Variants in HS2ST1 observed in about 807,000 individuals in gnomAD.
The protein encoded by HS2ST1 is heparan sulfate 2-O-sulfotransferase 1.
HS2ST1 carries 18 observed loss-of-function variants against 42.9 expected under a neutral mutation model. The observed-to-expected ratio is 0.42, with a 90% CI of 0.29 to 0.62. The LOEUF (loss-of-function observed/expected upper bound fraction) is 0.62, where lower values mean the gene tolerates loss of function less well. Ranked by LOEUF, HS2ST1 falls within the 20% of genes least tolerant of loss-of-function variation. The pLI is 0.21. For missense variants in HS2ST1, 334 were observed against 433.8 expected (o/e 0.77, Z 2.04); for synonymous variants, 146 against 152.9 (o/e 0.95, Z 0.33).
chr1:87,068,968 G>A (rs1013858676), intron 1 of HS2ST1, among the ~76,000 whole-genome samples: 2 of 152,104 alleles, frequency 1.3e-5, no homozygotes, highest in Admixed American at 6.5e-5. Context: ...CAGTAGCTGG[G>A]ACTACAGGTG....
At chr1:87,029,657 TACTC>T (rs1021392445) in intron 1 of HS2ST1, among the ~76,000 whole-genome samples, 124 of 152,348 alleles carry the variant, frequency 8.1e-4, no homozygotes, top group African/African-American at 2.4e-3. Context: ...GGAAAATTAA[TACTC>T]AATACTGAGT....
chr1:86,974,405 A>G (rs1648327810), intron 1 of HS2ST1, among the ~76,000 whole-genome samples: 1 of 152,204 alleles, frequency 6.6e-6, no homozygotes. Context: ...CTTGCCTTAC[A>G]CATCTCTTCC....
In HS2ST1 at chr1:86,943,491, G is replaced by GCTGGTGGATCACTTGAGC. The variant is rs1453270659; in HGVS notation, c.124+28334_124+28351dup. ...CAGCACTTTGGAGGCTGAGGTTGAG[G>GCTGGTGGATCACTTGAGC]CTGGTGGATCACTTGAGCCTAGAAG... is the stretch of plus-strand genomic sequence containing the variant. On this transcript the variant is annotated intron_variant, in intron 1 of 6. Transcript: ENST00000370550. Among the ~76,000 whole-genome samples, 54 of 152,174 alleles carry GCTGGTGGATCACTTGAGC rather than the reference G, an allele frequency of 3.5e-4. 3 individuals are homozygous for GCTGGTGGATCACTTGAGC. In the East Asian group the frequency reaches 6.0e-3, roughly 17 times the overall value.
At chr1:87,010,625 T>C (rs984674827) in intron 1 of HS2ST1, among the ~76,000 whole-genome samples, 2 of 152,212 alleles carry the variant, frequency 1.3e-5, no homozygotes, top group Non-Finnish European at 2.9e-5. Context: ...TGTAGACTAA[T>C]ACTAGATGTT....
rs1390485190 is a variant in HS2ST1, at chr1:87,106,169, G to T, written c.*1473G>T. The T allele has an allele frequency of 6.6e-6, 1 of 152,476 alleles. No homozygotes were observed. Among genetic ancestry groups the T allele is most frequent in the African/African-American group, 2.4e-5 (1 of 41,434 alleles). 9.4% of individuals were successfully genotyped at this position (152,476 alleles called of 1,614,324 possible). On this transcript the variant is annotated 3_prime_UTR_variant, in exon 7 of 7. Coordinates refer to ENST00000370550, the MANE Select transcript of HS2ST1 (RefSeq NM_012262.4). ...TTTTAACAAAGAAAGGGAAAAGTCT[G>T]CTTGTAAGCTGGTTGAAAAAGTTAA... is the stretch of plus-strand genomic sequence containing the variant.
intron 1 of HS2ST1, among the ~76,000 whole-genome samples, chr1:86,993,490 G>A (rs1031387553): frequency 6.6e-5 from 10 of 152,138 alleles, no homozygotes; most frequent in African/African-American, 2.4e-4. Flanking sequence ...GGCTTTGTAA[G>A]TGCATTCTTA....
At chr1:86,997,955 C>T (rs1250212106) in intron 1 of HS2ST1, among the ~76,000 whole-genome samples, 1 of 152,124 alleles carries the variant, frequency 6.6e-6, no homozygotes, top group South Asian at 2.1e-4. Flanking sequence ...AACCATGGGT[C>T]GTGAAACTGC....
In HS2ST1 at chr1:87,014,306, C is replaced by T. The variant is rs180937310; in HGVS notation, c.125-58628C>T. Among the ~76,000 whole-genome samples, 122 of 152,250 alleles carry T rather than the reference C, an allele frequency of 8.0e-4. 2 individuals carry two copies. The South Asian group carries it at 0.022, about 27-fold the overall frequency. On this transcript the variant is annotated intron_variant, in intron 1 of 6. Coordinates refer to ENST00000370550, the MANE Select transcript of HS2ST1 (RefSeq NM_012262.4). The stretch of plus-strand genomic sequence containing the variant: ...GTGAAGCAAGACATGTATTACTTGG[C>T]GGCAAACAAGACAGCTAGTGCAGGG...
intron 4 of HS2ST1, among the ~76,000 whole-genome samples, chr1:87,095,950 A>G (rs1652051290): frequency 6.7e-6 from 1 of 149,584 alleles, no homozygotes; most frequent in African/African-American, 2.5e-5. Context: ...CTGGCTTACT[A>G]TAGACAGCCG....
chr1:87,025,121 AG>A (rs1319887627), intron 1 of HS2ST1, among the ~76,000 whole-genome samples: 1 of 152,216 alleles, frequency 6.6e-6, no homozygotes, highest in East Asian at 1.9e-4. Flanking sequence ...AGCAAAAGTG[AG>A]AGCTCTGAGG....
chr1:87,095,051 A>G (rs930903219), intron 4 of HS2ST1, among the ~76,000 whole-genome samples: 10 of 152,254 alleles, frequency 6.6e-5, no homozygotes, highest in African/African-American at 1.7e-4. Context: ...CTTGTTTCTT[A>G]TGATACACAT....
intron 1 of HS2ST1, among the ~76,000 whole-genome samples, chr1:86,937,882 G>C (rs1362718330): frequency 6.6e-6 from 1 of 151,710 alleles, no homozygotes; most frequent in African/African-American, 2.4e-5. Context: ...CAGTAATTTA[G>C]ATGAGGTAAA....
chr1:87,000,791 C>T (rs1050795848), intron 1 of HS2ST1, among the ~76,000 whole-genome samples: 1 of 152,312 alleles, frequency 6.6e-6, no homozygotes, highest in South Asian at 2.1e-4. Flanking sequence ...TGGGAACATA[C>T]ACAATTTTGC....
chr1:87,088,212 C>T (rs372766877), intron 3 of HS2ST1, among the ~76,000 whole-genome samples: 12 of 152,104 alleles, frequency 7.9e-5, no homozygotes, highest in South Asian at 4.1e-4. Context: ...GACTCTTAGC[C>T]TCCATTATTC....
intron 1 of HS2ST1, among the ~76,000 whole-genome samples, chr1:87,047,292 A>G (rs553498281): frequency 2.0e-5 from 3 of 152,166 alleles, no homozygotes; most frequent in East Asian, 3.9e-4. Context: ...TGGACTGGCT[A>G]TTTTCTCATT....
At chr1:87,098,516 G>A (rs2100654699) in intron 5 of HS2ST1, 1 of 317,940 alleles carries the variant, frequency 3.1e-6, no homozygotes, top group Non-Finnish European at 4.5e-6. Flanking sequence ...TTTAATAGGA[G>A]AAGTAGGAGA....
intron 1 of HS2ST1, among the ~76,000 whole-genome samples, chr1:86,974,487 G>A (rs1026152175): frequency 6.6e-6 from 1 of 152,052 alleles, no homozygotes; most frequent in Non-Finnish European, 1.5e-5. Context: ...CCTGAGTTTT[G>A]TGAATTGTCA....
intron 1 of HS2ST1, among the ~76,000 whole-genome samples, chr1:86,931,773 T>C (rs1660550307): frequency 1.3e-5 from 2 of 152,224 alleles, no homozygotes; most frequent in East Asian, 3.9e-4. Flanking sequence ...TAATTTAACA[T>C]CATGTTATTG....
chr1:86,926,110 T>A (rs984684385), intron 1 of HS2ST1, among the ~76,000 whole-genome samples: 1 of 152,186 alleles, frequency 6.6e-6, no homozygotes, highest in Admixed American at 6.5e-5. Context: ...CTAATTTTGC[T>A]CCATTACTGG....
Sources: allele counts gnomAD v4.1 joint callset (sites outside exome capture counted in the v4.1 genomes callset), GRCh38; gene constraint gnomAD v4.1.1; transcripts MANE v1.5; gene names NCBI Gene and HGNC (gene_info 2026-07-23, HGNC 2026-07-21).